The following PTGIS variants were observed in gnomAD, a reference collection of about 807,000 sequenced individuals.
PTGIS encodes prostaglandin I2 synthase.
PTGIS carries 45 observed loss-of-function variants against 50.3 expected under a neutral mutation model. The ratio of observed to expected loss-of-function variants is 0.90; its 90% CI spans 0.70 to 1.15. The LOEUF (loss-of-function observed/expected upper bound fraction) is 1.15. PTGIS is among the 50% of genes most tolerant of loss of function. The pLI, the probability that PTGIS is intolerant of heterozygous loss-of-function variation, is 0.00. For synonymous variants in PTGIS, 260 were observed against 267.7 expected (o/e 0.97, Z 0.28); for missense variants, 668 against 661.3 (o/e 1.01, Z -0.11).
chr20:49,552,262 C>A (rs541031250), intron 1 of PTGIS, among the ~76,000 whole-genome samples: 2 of 152,170 alleles, frequency 1.3e-5, no homozygotes, highest in African/African-American at 4.8e-5. Flanking sequence ...TAACAAAGTG[C>A]ACTGTAAAAG....
intron 6 of PTGIS, among the ~76,000 whole-genome samples, chr20:49,519,636 G>T (rs1486032924): frequency 1.3e-5 from 2 of 151,816 alleles, no homozygotes; most frequent in African/African-American, 2.4e-5. Flanking sequence ...CCTCAAACTT[G>T]AACTCCAGAC....
chr20:49,522,540 C>A (rs1336677484), intron 6 of PTGIS, among the ~76,000 whole-genome samples: 1 of 152,004 alleles, frequency 6.6e-6, no homozygotes, highest in Admixed American at 6.6e-5. Flanking sequence ...GTTGCCCAGG[C>A]TGGTCTCAAA....
intron 6 of PTGIS, among the ~76,000 whole-genome samples, chr20:49,520,302 C>T (rs1306865578): frequency 6.6e-6 from 1 of 152,056 alleles, no homozygotes; most frequent in Non-Finnish European, 1.5e-5. Context: ...CTTCCTGCTG[C>T]ATCTCTTCTC....
Position 49,509,252 on chromosome 20 carries a change from T to C in PTGIS, c.1359-1188A>G, listed in dbSNP as rs151104198. ...TGGCGGTTTTGTGCCCACCCCTGGA[T>C]TTGAACTCCTGCACCTCCACTTCCT... On this transcript the variant is annotated intron_variant, in intron 9 of 9. Transcript: ENST00000244043. Among the ~76,000 whole-genome samples the C allele has an allele frequency of 2.2e-3, 330 of 152,304 alleles. 7 individuals carry two copies. In the East Asian group the frequency reaches 0.053, roughly 24 times the overall value.
At chr20:49,558,152 GCC>G (rs1982666830) in intron 1 of PTGIS, among the ~76,000 whole-genome samples, 1 of 152,184 alleles carries the variant, frequency 6.6e-6, no homozygotes, top group Non-Finnish European at 1.5e-5. Context: ...ACTCTGGGAG[GCC>G]AAAGTGGGAG....
At position 49,505,603 on chromosome 20, in the gene PTGIS, G is replaced by A. The variant is rs5601; in HGVS notation, c.*2317C>T. The A allele has an allele frequency of 0.1, 15,808 of 152,638 alleles. 1,914 individuals carry two copies. The highest frequency in any genetic ancestry group is 0.3 in the African/African-American group (12,343 of 41,450). 9.5% of individuals were successfully genotyped at this position (152,638 alleles called of 1,614,324 possible). A position where few individuals can be genotyped will look rare whatever the true frequency, so the allele number is the denominator to read the frequency against. On this transcript the variant is annotated 3_prime_UTR_variant, in exon 10 of 10. Coordinates refer to ENST00000244043, the MANE Select transcript of PTGIS (RefSeq NM_000961.4). ...ATAAGGGTTTTCGCCCAGCACACCA[G>A]GGTTGCAGCCTGCGCAAGACCTTCC...
chr20:49,532,927 C>T (rs1033857529), intron 5 of PTGIS, among the ~76,000 whole-genome samples: 2 of 152,224 alleles, frequency 1.3e-5, no homozygotes, highest in Admixed American at 6.5e-5. Flanking sequence ...CTACTTGCTA[C>T]ATTCTCTCCA....
At chr20:49,567,929 A>C in intron 1 of PTGIS, 114 bp downstream of exon 1, 2 of 1,016,304 alleles carry the variant, frequency 2.0e-6, no homozygotes, top group Non-Finnish European at 2.6e-6. Flanking sequence ...CTTGCCCGGG[A>C]TACTGGAGCG....
intron 4 of PTGIS, among the ~76,000 whole-genome samples, 162 bp downstream of exon 4, chr20:49,544,142 CG>C (rs1201593100): frequency 6.6e-6 from 1 of 152,132 alleles, no homozygotes; most frequent in Non-Finnish European, 1.5e-5. Flanking sequence ...GATGAACAGC[CG>C]GGGCCCTGGT....
rs762836976 is a variant in PTGIS, at chr20:49,547,929, G to A, written c.289C>T (p.His97Tyr). ...TCCATGAGGAAGATGGCATAGGCAT[G>A]GAAGTCGAGCCTGGTGCGAGGCTCC... ...VWEPRTRLDFHAYAIFLMERI... is the reference protein window; with the variant it reads ...VWEPRTRLDFYAYAIFLMERI... Residue 97 changes from histidine to tyrosine, a missense_variant, in exon 3 of 10, where the codon CAT becomes TAT. Physicochemically the swap from His to Tyr is moderately conservative, Grantham distance 83 (BLOSUM62 2). Transcript: ENST00000244043. 3 of 1,614,166 alleles carry A rather than the reference G, an allele frequency of 1.9e-6. No homozygotes were observed. In the Admixed American group the frequency reaches 5.0e-5, roughly 27 times the overall value.
chr20:49,523,958 T>C, intron 6 of PTGIS, 100 bp downstream of exon 6: 2 of 1,419,854 alleles, frequency 1.4e-6, no homozygotes, highest in Non-Finnish European at 9.7e-7. Flanking sequence ...CATAGTCATG[T>C]GCACACCTGC....
At chr20:49,509,881 CTTTT>C (rs11337451) in intron 9 of PTGIS, among the ~76,000 whole-genome samples, 7 of 93,376 alleles carry the variant, frequency 7.5e-5, no homozygotes, top group African/African-American at 1.4e-4. Context: ...TTCTTTCTTT[CTTTT>C]TTTTTTTTTT....
chr20:49,535,626 C>T (rs1409872664), intron 5 of PTGIS, among the ~76,000 whole-genome samples: 1 of 152,202 alleles, frequency 6.6e-6, no homozygotes. Flanking sequence ...GTGATCCTCC[C>T]ACCTCAGCCT....
chr20:49,523,969 A>G (rs1981723491), intron 6 of PTGIS, 89 bp downstream of exon 6: 1 of 1,485,904 alleles, frequency 6.7e-7, no homozygotes, highest in Non-Finnish European at 9.3e-7. Context: ...GCACACCTGC[A>G]CAGGTGCACA....
intron 2 of PTGIS, 64 bp downstream of exon 2, chr20:49,550,002 C>T: frequency 1.9e-6 from 3 of 1,613,250 alleles, no homozygotes; most frequent in Middle Eastern, 1.7e-4. Flanking sequence ...AAGGAATCAA[C>T]AGAAACCAGA....
rs745714941 is a variant in PTGIS, at chr20:49,507,897, C to T, written c.*23G>A. ...GGGGCAGGCTGGGCAGAGGCGAGCA[C>T]GTGGATCCATCTGCTCCCTGTGTCA... is the stretch of plus-strand genomic sequence containing the variant. On this transcript the variant is annotated 3_prime_UTR_variant, in exon 10 of 10. Transcript: ENST00000244043. 5 of 1,608,612 alleles carry T rather than the reference C, an allele frequency of 3.1e-6. No homozygotes were observed. The highest frequency in any genetic ancestry group is 3.4e-6 in the Non-Finnish European group (4 of 1,179,996).
chr20:49,556,912 A>G (rs1982634097), intron 1 of PTGIS, among the ~76,000 whole-genome samples: 1 of 152,106 alleles, frequency 6.6e-6, no homozygotes, highest in Non-Finnish European at 1.5e-5. Context: ...TGAAATCACT[A>G]AAAGTTAAGC....
At chr20:49,534,828 G>A (rs925921747) in intron 5 of PTGIS, among the ~76,000 whole-genome samples, 2 of 152,098 alleles carry the variant, frequency 1.3e-5, no homozygotes, top group Non-Finnish European at 2.9e-5. Flanking sequence ...AAATGCAAAT[G>A]GCTACTGAAA....
At chr20:49,535,391 T>C (rs1982042893) in intron 5 of PTGIS, among the ~76,000 whole-genome samples, 1 of 152,082 alleles carries the variant, frequency 6.6e-6, no homozygotes, top group African/African-American at 2.4e-5. Context: ...GTAGAACAGA[T>C]ACAAGTACAA....
Sources: gnomAD v4.1 joint callset for allele counts (sites outside exome capture counted in the v4.1 genomes callset) on GRCh38, gnomAD v4.1.1 for gene constraint, MANE v1.5 for transcripts, NCBI Gene and HGNC (gene_info 2026-07-23, HGNC 2026-07-21) for gene names.